The following IGLL1 variants were observed in gnomAD, a reference collection of about 807,000 sequenced individuals.
The protein encoded by IGLL1 is immunoglobulin lambda-like polypeptide 1.
A neutral mutation model predicts 10.5 loss-of-function variants in IGLL1; 10 were observed. That is an observed-to-expected ratio of 0.95 (90% CI 0.59 to 1.62). The LOEUF (loss-of-function observed/expected upper bound fraction) is 1.62, where lower values mean the gene tolerates loss of function less well. Among genes scored for constraint, IGLL1 ranks in the 40% most tolerant of loss-of-function variants. IGLL1 has a pLI of 0.00. For missense variants in IGLL1, 284 were observed against 278.7 expected (o/e 1.02, Z -0.14); for synonymous variants, 141 against 122.7 (o/e 1.15, Z -0.99).
Position 23,575,068 on chromosome 22 carries a change from C to A in IGLL1, c.221G>T (p.Arg74Leu), listed in dbSNP as rs368706509. 1 of 1,613,688 alleles carries A rather than the reference C, an allele frequency of 6.2e-7. No homozygotes were observed. Among genetic ancestry groups the A allele is most frequent in the Non-Finnish European group, 8.5e-7 (1 of 1,179,630 alleles). Residue 74 changes from arginine (R) to leucine (L), a missense_variant, in exon 2 of 3, where the codon CGC becomes CTC. Transcript: ENST00000330377. The stretch of plus-strand genomic sequence containing the variant: ...GCACCTGGGGCCAGTCCAGGAGCCG[C>A]GCTGGAGCAGGAACCTGCTGGGAGT... ...RSRWGRFLLQ[R>L]GSWTGPRCWP...
intron 1 of IGLL1, among the ~76,000 whole-genome samples, chr22:23,579,463 G>A (rs1440827386): frequency 2.6e-5 from 4 of 152,160 alleles, no homozygotes; most frequent in Non-Finnish European, 5.9e-5. Context: ...AGGCGATGCT[G>A]GCTGAGGTCT....
At position 23,573,488 on chromosome 22, in the gene IGLL1, A is replaced by T. The variant is rs1064423; in HGVS notation, c.420T>A (p.Phe140Leu). 1 of 1,611,068 alleles carries T rather than the reference A, an allele frequency of 6.2e-7. No homozygotes were observed. Among genetic ancestry groups the T allele is most frequent in the African/African-American group, 1.3e-5 (1 of 74,776 alleles). Residue 140 changes from phenylalanine (F) to leucine (L), a missense_variant, in exon 3 of 3, where the codon TTT becomes TTA. Transcript: ENST00000330377. The stretch of plus-strand genomic sequence containing the variant: ...AGGTCACCGTCAAGATTCCCGGATA[A>T]AAGTCATTCATGAGACACACCAGTG... ...KATLVCLMND[F>L]YPGILTVTWK...
chr22:23,580,195 C>T lies in IGLL1; in HGVS notation c.-5G>A. On this transcript the variant is annotated 5_prime_UTR_variant, in exon 1 of 3. Coordinates refer to ENST00000330377, the MANE Select transcript of IGLL1 (RefSeq NM_020070.4). Reference sequence around the variant, plus strand: ...CTGGCCTGTCCCTGGCCTCATCGGCCCTCAGGGTCAGAGGTCCTTGTGGCC... The same window carrying T: ...CTGGCCTGTCCCTGGCCTCATCGGCTCTCAGGGTCAGAGGTCCTTGTGGCC... 6.5e-7 allele frequency: 1 copy of T among 1,538,216 alleles called. No homozygotes were observed. The highest frequency in any genetic ancestry group is 1.4e-5 in the African/African-American group (1 of 73,240).
In IGLL1 at chr22:23,573,297, T is replaced by C. The variant is rs1385365982; in HGVS notation, c.611A>G (p.Glu204Gly). ...CQVMHEGSTV[E>G]KTVAPAECS ...ACATTCTGCAGGGGCCACCGTCTTC[T>C]CCACGGTGCTCCCTTCGTGCATGAC... Residue 204 changes from glutamate to glycine, a missense_variant, in exon 3 of 3, where the codon GAG (glutamate) becomes GGG (glycine). By Grantham distance (98) the Glu-to-Gly change is moderately conservative (BLOSUM62 -2). Transcript: ENST00000330377. The C allele has an allele frequency of 6.2e-7, 1 of 1,614,066 alleles. No individual in the cohort carries two copies.
chr22:23,575,005 G>T lies in IGLL1; in HGVS notation c.284C>A (p.Thr95Lys), dbSNP rs116041505. 0.014 allele frequency: 21,919 copies of T among 1,610,198 alleles called. 306 individuals are homozygous for T. Among genetic ancestry groups the T allele is most frequent in the African/African-American group, 0.059 (4,381 of 74,690 alleles). ...CTGGGTCCCGCTGCCAAACACATGC[G>T]TCACTGAGTTATGCTTGGATTGAAA... ...RGFQSKHNSV[T>K]HVFGSGTQLT... The change falls in exon 2 of 3, where the codon ACG (threonine) becomes AAG (lysine). Residue 95 changes from threonine to lysine, a missense_variant. By Grantham distance (78) the Thr-to-Lys change is moderately conservative. Coordinates refer to ENST00000330377, the MANE Select transcript of IGLL1 (RefSeq NM_020070.4).
chr22:23,573,303 G>C lies in IGLL1; in HGVS notation c.605C>G (p.Thr202Ser), dbSNP rs369307571. The C allele has an allele frequency of 3.3e-5, 53 of 1,613,976 alleles. No homozygotes were observed. The highest frequency in any genetic ancestry group is 3.7e-5 in the Non-Finnish European group (44 of 1,180,026). Reference sequence around the variant, plus strand: ...TGCAGGGGCCACCGTCTTCTCCACGGTGCTCCCTTCGTGCATGACCTGGCA... The same window carrying C: ...TGCAGGGGCCACCGTCTTCTCCACGCTGCTCCCTTCGTGCATGACCTGGCA... ...YSCQVMHEGS[T>S]VEKTVAPAEC... is the part of the protein sequence containing the mutation. Residue 202 changes from threonine to serine, a missense_variant, in exon 3 of 3, where the codon ACC becomes AGC. Transcript: ENST00000330377.
chr22:23,580,201 G>T lies in IGLL1; in HGVS notation c.-11C>A. On this transcript the variant is annotated 5_prime_UTR_variant, in exon 1 of 3. Transcript: ENST00000330377. ...TGTCCCTGGCCTCATCGGCCCTCAG[G>T]GTCAGAGGTCCTTGTGGCCTGACTT... 6.5e-7 allele frequency: 1 copy of T among 1,537,324 alleles called. No individual in the cohort carries two copies. Among genetic ancestry groups the T allele is most frequent in the East Asian group, 2.4e-5 (1 of 41,002 alleles).
chr22:23,575,268 G>T (rs1925004460), intron 1 of IGLL1, among the ~76,000 whole-genome samples, 186 bp from the exon 2 acceptor site: 1 of 152,126 alleles, frequency 6.6e-6, no homozygotes, highest in South Asian at 2.1e-4. Context: ...GCAACGCTGG[G>T]CCCAGTAGGT....
Position 23,574,995 on chromosome 22 carries a change from A to C in IGLL1, c.294T>G (p.Phe98Leu). 1 of 1,613,974 alleles carries C rather than the reference A, an allele frequency of 6.2e-7. No individual in the cohort carries two copies. The highest frequency in any genetic ancestry group is 8.5e-7 in the Non-Finnish European group (1 of 1,179,854). Residue 98 changes from phenylalanine (F) to leucine (L), a missense_variant, in exon 2 of 3, where the codon TTT becomes TTG. Transcript: ENST00000330377. Reference sequence around the variant, plus strand: ...AAACGGTGAGCTGGGTCCCGCTGCCAAACACATGCGTCACTGAGTTATGCT... The same window carrying C: ...AAACGGTGAGCTGGGTCCCGCTGCCCAACACATGCGTCACTGAGTTATGCT... ...QSKHNSVTHV[F>L]GSGTQLTVLS...
chr22:23,576,508 G>A (rs1329988884), intron 1 of IGLL1, among the ~76,000 whole-genome samples: 5 of 151,788 alleles, frequency 3.3e-5, no homozygotes, highest in Non-Finnish European at 5.9e-5. Flanking sequence ...TTGGCTCACC[G>A]CAACCTCCAC....
rs751430461 is a variant in IGLL1 at position 23,573,279 on chromosome 22, G to T, written c.629C>A (p.Ala210Glu). 6.2e-6 allele frequency: 10 copies of T among 1,614,054 alleles called. 1 individual carries two copies. The South Asian group carries it at 9.9e-5, about 16-fold the overall frequency. ...GGGGCTGGGAACCTATGAACATTCT[G>T]CAGGGGCCACCGTCTTCTCCACGGT... ...GSTVEKTVAPAECS is the reference protein window; with the variant it reads ...GSTVEKTVAPEECS Residue 210 changes from alanine (A) to glutamate (E), a missense_variant, in exon 3 of 3, where the codon GCA (alanine) becomes GAA (glutamate). By Grantham distance (107) the Ala-to-Glu change is moderately radical (BLOSUM62 -1). Coordinates refer to ENST00000330377, the MANE Select transcript of IGLL1 (RefSeq NM_020070.4).
chr22:23,576,350 A>G (rs1419209398), intron 1 of IGLL1, among the ~76,000 whole-genome samples: 4 of 128,068 alleles, frequency 3.1e-5, no homozygotes, highest in African/African-American at 1.3e-4. Context: ...GCAACAGAGC[A>G]AGACTGTCCC....
Position 23,573,195 on chromosome 22 carries a change from A to T in IGLL1, c.*71T>A. On this transcript the variant is annotated 3_prime_UTR_variant, in exon 3 of 3. Coordinates refer to ENST00000330377, the MANE Select transcript of IGLL1 (RefSeq NM_020070.4). ...AGGGAGAAGGGCTGGATGGCTTGGG[A>T]TGCAGAGAGAGACCCTTCCCCTGGG... The T allele has an allele frequency of 2.1e-6, 3 of 1,447,946 alleles. No homozygotes were observed. The highest frequency in any genetic ancestry group is 9.7e-7 in the Non-Finnish European group (1 of 1,030,360). The allele number at this position is 1,447,946 out of a possible 1,614,324, so 89.7% of individuals were successfully genotyped here. A position where few individuals can be genotyped will look rare whatever the true frequency, so the allele number is the denominator to read the frequency against.
Position 23,579,729 on chromosome 22 carries a change from A to G in IGLL1, c.206+256T>C, listed in dbSNP as rs961249160. ...AGGACTAGGGGGAGGTGAGGGAGAC[A>G]TTGGCCTTGGTGCCAAATGTAAGTG... On this transcript the variant is annotated intron_variant, in intron 1 of 2. Transcript: ENST00000330377. Among the ~76,000 whole-genome samples the G allele has an allele frequency of 5.3e-5, 8 of 152,248 alleles. No individual in the cohort carries two copies. The East Asian group carries it at 7.7e-4, about 15-fold the overall frequency.
At chr22:23,576,361 A>AG (rs1491446376) in intron 1 of IGLL1, among the ~76,000 whole-genome samples, 1 of 49,126 alleles carries the variant, frequency 2.0e-5, no homozygotes, top group Non-Finnish European at 3.1e-5. Context: ...AGACTGTCCC[A>AG]AAAAAAAAAA....
chr22:23,580,146 C>G lies in IGLL1; in HGVS notation c.45G>C (p.Glu15Asp). Residue 15 changes from glutamate (E) to aspartate (D), a missense_variant, in exon 1 of 3, where the codon GAG (glutamate) becomes GAC (aspartate). Transcript: ENST00000330377. The stretch of plus-strand genomic sequence containing the variant: ...AGCGCTGCCTGAGGTTGGGGCCTGG[C>G]TCACCAGGGGCCTCAAGGCCCCCCT... ...TGQGGLEAPG[E>D]PGPNLRQRWP... 1 of 1,555,018 alleles carries G rather than the reference C, an allele frequency of 6.4e-7. No individual in the cohort carries two copies. The highest frequency in any genetic ancestry group is 8.7e-7 in the Non-Finnish European group (1 of 1,153,110).
At chr22:23,574,535 G>A (rs1455672600) in intron 2 of IGLL1, among the ~76,000 whole-genome samples, 1 of 152,194 alleles carries the variant, frequency 6.6e-6, no homozygotes, top group Non-Finnish European at 1.5e-5. Context: ...CTCCCCTGGG[G>A]GTGACCCCTG....
rs140494226 is a variant in IGLL1, at chr22:23,573,572, G to A, written c.336C>T (p.Ala112=). 1.3e-3 allele frequency: 2,167 copies of A among 1,613,226 alleles called. 3 individuals carry two copies. Among genetic ancestry groups the A allele is most frequent in the Non-Finnish European group, 1.5e-3 (1,785 of 1,179,496 alleles). The change falls in exon 3 of 3, where the codon GCC becomes GCT. Residue 112 remains alanine (A), a synonymous_variant. Transcript: ENST00000330377. The part of the protein sequence containing the change: ...TQLTVLSQPK[A]TPSVTLFPPS... Reference sequence around the variant, plus strand: ...GCGGGAACAGAGTGACCGAGGGGGTGGCCTTGGGCTGACCTGTGTGGACAG... The same window carrying A: ...GCGGGAACAGAGTGACCGAGGGGGTAGCCTTGGGCTGACCTGTGTGGACAG...
chr22:23,579,117 G>A lies in IGLL1; in HGVS notation c.206+868C>T, dbSNP rs543982527. 4.6e-5 allele frequency among the ~76,000 whole-genome samples: 7 copies of A among 152,138 alleles called. No individual in the cohort carries two copies. The South Asian group carries it at 1.3e-3, about 27-fold the overall frequency. The stretch of plus-strand genomic sequence containing the variant: ...TGCCCATGAGCTGAGTGACTCGGAC[G>A]GGTCACCTCACCTCTCCGGGCTCTA... On this transcript the variant is annotated intron_variant, in intron 1 of 2. Coordinates refer to ENST00000330377, the MANE Select transcript of IGLL1 (RefSeq NM_020070.4).
Sources: gnomAD v4.1 joint callset for allele counts (sites outside exome capture counted in the v4.1 genomes callset) on GRCh38, gnomAD v4.1.1 for gene constraint, MANE v1.5 for transcripts, NCBI Gene and HGNC (gene_info 2026-07-23, HGNC 2026-07-21) for gene names.